SEMA6D: variants seen among roughly 807,000 people sequenced by gnomAD.
The protein encoded by SEMA6D is semaphorin-6D.
A neutral mutation model predicts 106.6 loss-of-function variants in SEMA6D; 35 were observed. The observed-to-expected ratio is 0.33, with a 90% confidence interval of 0.25 to 0.44. The LOEUF is 0.44. Ranked by LOEUF, SEMA6D falls within the 20% of genes least tolerant of loss-of-function variation. The pLI is 1.00. For synonymous variants in SEMA6D, 499 were observed against 487.7 expected, an observed-to-expected ratio of 1.02 and a Z score of -0.31; for missense variants, 1,185 against 1,345.9, an observed-to-expected ratio of 0.88 and a Z score of 1.87.
intron 1 of SEMA6D, among the ~76,000 whole-genome samples, chr15:47,273,194 T>C (rs1048671660): frequency 2.4e-4 from 36 of 152,254 alleles, no homozygotes; most frequent in African/African-American, 7.9e-4. Flanking sequence ...TTTCTAATGT[T>C]GATGCCCCAA....
At chr15:47,210,760 G>T (rs1406827492) in intron 1 of SEMA6D, among the ~76,000 whole-genome samples, 5 of 91,230 alleles carry the variant, frequency 5.5e-5, no homozygotes, top group Non-Finnish European at 9.6e-5. Context: ...GGGAGACTCC[G>T]TCTCAAAAAA....
intron 2 of SEMA6D, among the ~76,000 whole-genome samples, chr15:47,457,177 T>C (rs1334306741): frequency 6.6e-6 from 1 of 151,974 alleles, no homozygotes; most frequent in Non-Finnish European, 1.5e-5. Flanking sequence ...ACAAAGATTA[T>C]AAGCAAGGCT....
At chr15:47,745,862 A>G (rs898342484) in intron 1 of SEMA6D, among the ~76,000 whole-genome samples, 8 of 152,260 alleles carry the variant, frequency 5.3e-5, no homozygotes, top group African/African-American at 1.9e-4. Context: ...CATTTAAAAA[A>G]TAATTATTTT....
chr15:47,310,376 T>C (rs1194362691), intron 1 of SEMA6D, among the ~76,000 whole-genome samples: 3 of 152,140 alleles, frequency 2.0e-5, no homozygotes, highest in African/African-American at 7.2e-5. Flanking sequence ...CTAGTCCAGG[T>C]TGTTTTAAGC....
chr15:47,412,401 A>C (rs964311692), exon 2 of SEMA6D: 2 of 152,582 alleles, frequency 1.3e-5, no homozygotes, highest in African/African-American at 4.8e-5. Context: ...AGGATCTCCA[A>C]CCTGAGCATA....
rs779461436 is a variant in SEMA6D, at chr15:47,467,618, C to T, written c.-158-2856C>T. On this transcript the variant is annotated intron_variant, in intron 2 of 19. Coordinates refer to the SEMA6D transcript ENST00000558014. ...GTTGAATTAGGGATAACTTTGCAAG[C>T]GCTGACTTAGGTGCTTGCGAAATGG... Among the ~76,000 whole-genome samples, 44 of 152,128 alleles carry T rather than the reference C, an allele frequency of 2.9e-4. 1 individual carries two copies. Among genetic ancestry groups the T allele is most frequent in the African/African-American group, 8.4e-4 (35 of 41,446 alleles).
intron 3 of SEMA6D, among the ~76,000 whole-genome samples, chr15:47,588,114 C>T (rs2076375943): frequency 1.3e-5 from 2 of 152,284 alleles, no homozygotes; most frequent in African/African-American, 2.4e-5. Context: ...CTCCCTCCCA[C>T]GCCCTATCCC....
chr15:47,467,114 C>G (rs1227638174), intron 2 of SEMA6D, among the ~76,000 whole-genome samples: 1 of 151,952 alleles, frequency 6.6e-6, no homozygotes, highest in Admixed American at 6.6e-5. Flanking sequence ...TATAAGGGTT[C>G]CCTTTTCTTC....
At chr15:47,463,453 C>T (rs2042571424) in intron 2 of SEMA6D, among the ~76,000 whole-genome samples, 1 of 152,172 alleles carries the variant, frequency 6.6e-6, no homozygotes, top group African/African-American at 2.4e-5. Flanking sequence ...AGTACATTTG[C>T]ATTTACAAAG....
At chr15:47,510,187 G>A (rs1020569772) in intron 3 of SEMA6D, among the ~76,000 whole-genome samples, 17 of 152,074 alleles carry the variant, frequency 1.1e-4, no homozygotes, top group Admixed American at 6.6e-4. Flanking sequence ...CCTGAGCTCC[G>A]GCTTCTGTCA....
At chr15:47,463,517 G>GAAAAGGT (rs944152858) in intron 2 of SEMA6D, among the ~76,000 whole-genome samples, 3 of 152,170 alleles carry the variant, frequency 2.0e-5, no homozygotes, top group African/African-American at 7.2e-5. Flanking sequence ...TATTTCCAAA[G>GAAAAGGT]AAAAGGTGGT....
intron 1 of SEMA6D, among the ~76,000 whole-genome samples, chr15:47,263,238 A>G (rs2034160520): frequency 2.0e-5 from 3 of 152,208 alleles, no homozygotes. Flanking sequence ...AGCAAAAGAA[A>G]CTATCAACAG....
At chr15:47,194,099 ATGGATGGATGGGTGGATGGGTGGATGGG>A (rs1392454113) in intron 1 of SEMA6D, among the ~76,000 whole-genome samples, 1 of 151,346 alleles carries the variant, frequency 6.6e-6, no homozygotes, top group African/African-American at 2.4e-5. Context: ...GGATGGGTGG[ATGGATGGATGGGTGGATGGGTGGATGGG>A]TGGATGGATG....
At chr15:47,485,194 C>A (rs1030379428) in intron 3 of SEMA6D, among the ~76,000 whole-genome samples, 5 of 152,048 alleles carry the variant, frequency 3.3e-5, no homozygotes, top group Non-Finnish European at 7.4e-5. Context: ...TACATGTGGT[C>A]AAAATCTGAG....
chr15:47,428,458 A>G (rs2041420600), intron 2 of SEMA6D, among the ~76,000 whole-genome samples: 1 of 34,120 alleles, frequency 2.9e-5, no homozygotes, highest in African/African-American at 9.0e-5. Context: ...TTAGGCGCAG[A>G]TCTACCCTTA....
chr15:47,411,724 T>C (rs892018255), intron 1 of SEMA6D, among the ~76,000 whole-genome samples: 2 of 151,262 alleles, frequency 1.3e-5, no homozygotes, highest in Admixed American at 1.3e-4. Flanking sequence ...GTCTTCAGGT[T>C]TGGGTTTCTT....
intron 4 of SEMA6D, among the ~76,000 whole-genome samples, chr15:47,640,243 C>T (rs919243006): frequency 1.5e-4 from 23 of 152,074 alleles, no homozygotes; most frequent in Non-Finnish European, 2.4e-4. Flanking sequence ...CAGGCTTGAG[C>T]GAGGAAAGAT....
intron 1 of SEMA6D, among the ~76,000 whole-genome samples, chr15:47,270,606 A>G (rs1312647871): frequency 2.6e-5 from 4 of 152,180 alleles, no homozygotes; most frequent in Non-Finnish European, 4.4e-5. Flanking sequence ...GAAACTAACC[A>G]TGTAGACTCT....
chr15:47,387,035 C>CGT (rs5812385), intron 1 of SEMA6D, among the ~76,000 whole-genome samples: 76,993 of 151,976 alleles, frequency 0.51, 23,056 homozygotes, highest in African/African-American at 0.85. Context: ...GGCCCTGCTG[C>CGT]GTGTGGCTCC....
Sources: allele counts gnomAD v4.1 joint callset (sites outside exome capture counted in the v4.1 genomes callset), GRCh38; gene constraint gnomAD v4.1.1; transcripts MANE v1.5; gene names NCBI Gene and HGNC (gene_info 2026-07-23, HGNC 2026-07-21).